SYNE1: variants seen among roughly 807,000 people sequenced by gnomAD.
SYNE1 encodes nesprin-1.
A neutral mutation model predicts 1,111.0 loss-of-function variants in SYNE1; 616 were observed. The observed-to-expected ratio is 0.55, with a 90% CI of 0.52 to 0.59. The LOEUF is 0.59. Ranked by LOEUF, SYNE1 falls within the 20% of genes least tolerant of loss-of-function variation. The probability of loss-of-function intolerance (pLI) is 0.00; values close to 1 mark genes in which losing one functional copy is unlikely to be tolerated. For synonymous variants in SYNE1, 3,855 were observed against 3,825.8 expected, an observed-to-expected ratio of 1.01 and a Z score of -0.28; for missense variants, 10,006 against 10,417.0, an observed-to-expected ratio of 0.96 and a Z score of 1.72.
Position 152,461,609 on chromosome 6 carries a change from C to T in SYNE1, c.2382G>A (p.Glu794=). The stretch of plus-strand genomic sequence containing the variant: ...ATTATTTTCGCACCTTGGTTAGCTG[C>T]TCTTTGAGCTTTGACATGGTCGCAA... The part of the protein sequence containing the change: ...EMFATMSKLK[E]QLTKVKECYS... Residue 794 remains glutamate (E), a synonymous_variant, in exon 21 of 146, where the codon GAG becomes GAA. Coordinates refer to ENST00000367255, the MANE Select transcript of SYNE1 (RefSeq NM_182961.4). The T allele has an allele frequency of 1.2e-6, 2 of 1,613,986 alleles. No homozygotes were observed. The highest frequency in any genetic ancestry group is 1.7e-6 in the Non-Finnish European group (2 of 1,179,918).
At chr6:152,391,223 T>C in intron 52 of SYNE1, 54 bp downstream of exon 52, 2 of 1,610,066 alleles carry the variant, frequency 1.2e-6, no homozygotes, top group Non-Finnish European at 1.7e-6. Context: ...CACTTGTGAA[T>C]CTAATCAAAT....
rs7766519 is a variant in SYNE1 at position 152,390,610 on chromosome 6, C to T, written c.8005-158G>A. On this transcript the variant is annotated intron_variant, in intron 52 of 145. Transcript: ENST00000367255. The stretch of plus-strand genomic sequence containing the variant: ...GCCCTATTGCAATATAATATTGACT[C>T]AAAATTAGGTATCTGGGAGTCTAGG... Among the ~76,000 whole-genome samples, 55,373 of 151,990 alleles carry T rather than the reference C, an allele frequency of 0.36. 11,194 individuals are homozygous for T. The highest frequency in any genetic ancestry group is 0.55 in the African/African-American group (22,731 of 41,438).
At chr6:152,289,098 G>A (rs1194976647) in intron 95 of SYNE1, among the ~76,000 whole-genome samples, 2 of 152,100 alleles carry the variant, frequency 1.3e-5, no homozygotes, top group African/African-American at 2.4e-5. Context: ...TTTATGCTAT[G>A]TGAATTTCAC....
At chr6:152,295,566 C>T (rs917013451) in intron 93 of SYNE1, among the ~76,000 whole-genome samples, 11 of 152,020 alleles carry the variant, frequency 7.2e-5, no homozygotes, top group Non-Finnish European at 1.0e-4. Context: ...CTTGGAAACC[C>T]GCAAACATGA....
chr6:152,366,902 A>G, intron 62 of SYNE1: 1 of 480,816 alleles, frequency 2.1e-6, no homozygotes, highest in Non-Finnish European at 4.0e-6. Context: ...GTTTTGCCCT[A>G]TAAAATGTTT....
intron 73 of SYNE1, among the ~76,000 whole-genome samples, chr6:152,345,490 AT>A (rs1013260340): frequency 8.6e-5 from 13 of 151,696 alleles, no homozygotes; most frequent in African/African-American, 2.9e-4. Context: ...GTCACCCAGA[AT>A]TTTTTTTATT....
intron 3 of SYNE1, among the ~76,000 whole-genome samples, chr6:152,590,658 C>T (rs971110199): frequency 6.6e-6 from 1 of 152,086 alleles, no homozygotes; most frequent in Non-Finnish European, 1.5e-5. Context: ...CACTAATAAA[C>T]ATCCTTTGTC....
rs770484710 is a variant in SYNE1 at position 152,294,029 on chromosome 6, C to T, written c.17781G>A (p.Pro5927=). 2.1e-5 allele frequency: 34 copies of T among 1,613,944 alleles called. No individual in the cohort carries two copies. Among genetic ancestry groups the T allele is most frequent in the Non-Finnish European group, 2.3e-5 (27 of 1,180,012 alleles). ...STSASQEFYE[P]GLEPSATAKL... Reference sequence around the variant, plus strand: ...TGGCAGTAGCGGATGGCTCCAATCCCGGTTCATAGAACTCCTGGGATGCGG... The same window carrying T: ...TGGCAGTAGCGGATGGCTCCAATCCTGGTTCATAGAACTCCTGGGATGCGG... The change falls in exon 94 of 146, where the codon CCG becomes CCA. Residue 5927 remains proline (P), a synonymous_variant. Coordinates refer to ENST00000367255, the MANE Select transcript of SYNE1 (RefSeq NM_182961.4).
chr6:152,487,550 G>T (rs1218097318), intron 12 of SYNE1, among the ~76,000 whole-genome samples: 1 of 152,198 alleles, frequency 6.6e-6, no homozygotes, highest in African/African-American at 2.4e-5. Context: ...ATCAGAAGCA[G>T]AAGTCCAATT....
chr6:152,397,340 G>C (rs2097751489), intron 49 of SYNE1, among the ~76,000 whole-genome samples: 1 of 152,144 alleles, frequency 6.6e-6, no homozygotes, highest in African/African-American at 2.4e-5. Context: ...CCCCTCCCCT[G>C]ATCCACCCTG....
Position 152,351,879 on chromosome 6 carries a change from G to A in SYNE1, c.11580+148C>T, listed in dbSNP as rs1029382387. On this transcript the variant is annotated intron_variant, in intron 70 of 145. Coordinates refer to ENST00000367255, the MANE Select transcript of SYNE1 (RefSeq NM_182961.4). ...GATTTAACCCAATAAATCTCCATAG[G>A]TCATGGCATCACTGGTCAGCTGCAG... 26 of 721,802 alleles carry A rather than the reference G, an allele frequency of 3.6e-5. No individual in the cohort carries two copies. In the East Asian group the frequency reaches 5.9e-4, roughly 16 times the overall value. The allele number at this position is 721,802 out of a possible 1,614,324, so 44.7% of individuals were successfully genotyped here.
chr6:152,350,082 CCACACATGCA>C, intron 72 of SYNE1, 76 bp downstream of exon 72: 1 of 1,495,430 alleles, frequency 6.7e-7, no homozygotes. Context: ...GTGTGCACCC[CCACACATGCA>C]CACACATGCA....
chr6:152,441,300 G>T, intron 31 of SYNE1, 30 bp from the exon 32 acceptor site: 1 of 1,589,112 alleles, frequency 6.3e-7, no homozygotes. Flanking sequence ...CAACAAATGG[G>T]TTACAAATGT....
intron 76 of SYNE1, chr6:152,336,185 CAG>C (rs10572783): frequency 0.59 from 89,417 of 151,378 alleles, 26,405 homozygotes; most frequent in Non-Finnish European, 0.62. Context: ...TGCTTAGTCA[CAG>C]AGTTTTCTGA....
At chr6:152,125,124 A>G (rs1562839692) in intron 145 of SYNE1, 3 of 910,384 alleles carry the variant, frequency 3.3e-6, no homozygotes, top group Non-Finnish European at 4.6e-6. Flanking sequence ...GACTTGCTTC[A>G]GATTCTACAG....
At chr6:152,566,926 T>C (rs757947229) in intron 3 of SYNE1, among the ~76,000 whole-genome samples, 33 of 152,122 alleles carry the variant, frequency 2.2e-4, no homozygotes, top group Admixed American at 1.7e-3. Context: ...GATGTTTTGA[T>C]ACACATAGTG....
At position 152,148,670 on chromosome 6, in the gene SYNE1, G is replaced by GTT. The variant is rs5880957; in HGVS notation, c.24643-294_24643-293dup. Reference sequence around the variant, plus strand: ...ATAACAGTCCCAGGCATCCCACAGGGTTTTTTTTTTTTGAGTGGGAAAAAA... The same window carrying GTT: ...ATAACAGTCCCAGGCATCCCACAGGGTTTTTTTTTTTTTTGAGTGGGAAAAAA... On this transcript the variant is annotated intron_variant, in intron 136 of 145. Coordinates refer to ENST00000367255, the MANE Select transcript of SYNE1 (RefSeq NM_182961.4). The surrounding 1 kb of genome is among the most constrained non-coding windows in gnomAD (Gnocchi z 4.1). Among the ~76,000 whole-genome samples the GTT allele has an allele frequency of 5.6e-3, 823 of 145,934 alleles. 6 individuals carry two copies. Among genetic ancestry groups the GTT allele is most frequent in the Non-Finnish European group, 7.8e-3 (517 of 66,242 alleles).
rs1264310289 is a variant in SYNE1 at position 152,140,147 on chromosome 6, A to T, written c.25261T>A (p.Trp8421Arg). 1 of 1,614,194 alleles carries T rather than the reference A, an allele frequency of 6.2e-7. No individual in the cohort carries two copies. The highest frequency in any genetic ancestry group is 1.7e-5 in the Admixed American group (1 of 60,026). ...AATGCCTGGGCCTGGAGAAGCTCCC[A>T]TCGGTCAATCACACCTGGCAAGACA... The part of the protein sequence containing the change: ...ETQTAGVIDR[W>R]ELLQAQALSK... Residue 8421 changes from tryptophan to arginine, a missense_variant, in exon 140 of 146, where the codon TGG becomes AGG. This residue lies in a region of SYNE1 where 761 missense variants were observed against 795.5 expected (regional missense o/e 0.96). Coordinates refer to ENST00000367255, the MANE Select transcript of SYNE1 (RefSeq NM_182961.4).
At chr6:152,245,039 G>C (rs1292482622) in intron 105 of SYNE1, among the ~76,000 whole-genome samples, 1 of 152,228 alleles carries the variant, frequency 6.6e-6, no homozygotes, top group African/African-American at 2.4e-5. Flanking sequence ...ATGTTCTGCT[G>C]TCCTTGAAAC....
Sources: allele counts gnomAD v4.1 joint callset (sites outside exome capture counted in the v4.1 genomes callset), GRCh38; gene constraint gnomAD v4.1.1; regional missense constraint gnomAD v4.1.1; non-coding constraint Gnocchi (gnomAD v3.1); transcripts MANE v1.5; gene names NCBI Gene and HGNC (gene_info 2026-07-23, HGNC 2026-07-21).